The following ZNF292 variants were observed in gnomAD, a reference collection of about 807,000 sequenced individuals.
ZNF292 encodes the protein 16 zinc-finger domain protein.
Under a neutral mutation model 217.9 loss-of-function variants are expected in ZNF292, and 26 were observed. The observed-to-expected ratio is 0.12, with a 90% CI of 0.09 to 0.17. The LOEUF (loss-of-function observed/expected upper bound fraction) is 0.17, where lower values mean the gene tolerates loss of function less well. ZNF292 is among the 10% of genes least tolerant of loss of function. The pLI, the probability that ZNF292 is intolerant of heterozygous loss-of-function variation, is 1.00. For missense variants in ZNF292, 2,904 were observed against 3,175.2 expected, an observed-to-expected ratio of 0.91 and a Z score of 2.05; for synonymous variants, 1,257 against 1,124.1, an observed-to-expected ratio of 1.12 and a Z score of -2.37.
Position 87,258,416 on chromosome 6 carries a change from C to T in ZNF292, c.4787C>T (p.Ser1596Leu). The T allele has an allele frequency of 6.2e-7, 1 of 1,613,662 alleles. No homozygotes were observed. Among genetic ancestry groups the T allele is most frequent in the African/African-American group, 1.3e-5 (1 of 75,030 alleles). Residue 1596 changes from serine (S) to leucine (L), a missense_variant, in exon 8 of 8, where the codon TCA becomes TTA. Coordinates refer to ENST00000369577, the MANE Select transcript of ZNF292 (RefSeq NM_015021.3). ...TCATTTCCTAATTCTGGTGGGCCAT[C>T]ACAAAATTTTACCAGTAACAGTTCT... The part of the protein sequence containing the change: ...SSSFPNSGGP[S>L]QNFTSNSSRV...
intron 7 of ZNF292, among the ~76,000 whole-genome samples, chr6:87,249,899 AG>A (rs1414594337): frequency 2.0e-5 from 3 of 151,794 alleles, no homozygotes; most frequent in Admixed American, 6.6e-5. Context: ...TAGTAGAGAC[AG>A]GGTTTTACTA....
intron 1 of ZNF292, among the ~76,000 whole-genome samples, chr6:87,160,684 GTATA>G (rs5878019): frequency 0.63 from 95,167 of 150,308 alleles, 31,664 homozygotes; most frequent in African/African-American, 0.85. Context: ...ATGTGTGTGT[GTATA>G]TATATATATA....
intron 4 of ZNF292, among the ~76,000 whole-genome samples, chr6:87,224,631 C>T (rs994761527): frequency 3.3e-5 from 5 of 152,152 alleles, no homozygotes; most frequent in South Asian, 4.1e-4. Context: ...CAGGGCTTTA[C>T]GTGTCTGTTA....
rs756400623 is a variant in ZNF292 at position 87,260,319 on chromosome 6, T to C, written c.6690T>C (p.Tyr2230=). The C allele has an allele frequency of 2.1e-5, 34 of 1,613,430 alleles. 1 individual carries two copies. Among genetic ancestry groups the C allele is most frequent in the Admixed American group, 1.8e-4 (11 of 59,944 alleles). Residue 2230 remains tyrosine, a synonymous_variant, in exon 8 of 8, where the codon TAT becomes TAC. Coordinates refer to ENST00000369577, the MANE Select transcript of ZNF292 (RefSeq NM_015021.3). ...AGTGTAAATCTTCATTTACTACATATTTGAACTATGTTGTTCATCTAGAGG... is the reference window on the plus strand; with the variant it reads ...AGTGTAAATCTTCATTTACTACATACTTGAACTATGTTGTTCATCTAGAGG... ...QLECKSSFTT[Y]LNYVVHLEAD...
At chr6:87,216,410 TA>T in intron 3 of ZNF292, 33 bp downstream of exon 3, 1 of 1,458,472 alleles carries the variant, frequency 6.9e-7, no homozygotes, top group Non-Finnish European at 9.4e-7. Flanking sequence ...TTAATACAGG[TA>T]TATCTTATGT....
chr6:87,240,137 G>A (rs1562166526), intron 5 of ZNF292, among the ~76,000 whole-genome samples: 1 of 152,184 alleles, frequency 6.6e-6, no homozygotes, highest in Non-Finnish European at 1.5e-5. Context: ...ATCACTCGCG[G>A]TTAGGAGCTG....
At chr6:87,245,873 T>C (rs1774551842) in intron 7 of ZNF292, among the ~76,000 whole-genome samples, 1 of 152,208 alleles carries the variant, frequency 6.6e-6, no homozygotes, top group Non-Finnish European at 1.5e-5. Context: ...TATGTAATAC[T>C]TAAATTATAT....
intron 4 of ZNF292, among the ~76,000 whole-genome samples, chr6:87,228,366 A>G (rs1356743016): frequency 6.6e-6 from 1 of 152,114 alleles, no homozygotes; most frequent in Non-Finnish European, 1.5e-5. Context: ...ATTTTCTCTC[A>G]TTCCTTTTCA....
Position 87,258,886 on chromosome 6 carries a change from C to G in ZNF292, c.5257C>G (p.Gln1753Glu). The G allele has an allele frequency of 1.4e-5, 22 of 1,606,930 alleles. No individual in the cohort carries two copies. Among genetic ancestry groups the G allele is most frequent in the Non-Finnish European group, 1.9e-5 (22 of 1,176,024 alleles). Residue 1753 changes from glutamine to glutamate, a missense_variant, in exon 8 of 8, where the codon CAA becomes GAA. Gln to Glu is a conservative substitution (Grantham distance 29). This residue lies in a region of ZNF292 where 622 missense variants were observed against 573.1 expected (regional missense o/e 1.09). Coordinates refer to ENST00000369577, the MANE Select transcript of ZNF292 (RefSeq NM_015021.3). The part of the protein sequence containing the change: ...DLQISEDNVI[Q>E]NFEKTLEIIK... ...GCAGATTTCTGAAGACAATGTTATA[C>G]AAAACTTTGAAAAGACTCTTGAAAT...
rs1775563773 is a variant in ZNF292, at chr6:87,261,097, A to G, written c.7468A>G (p.Thr2490Ala). The change falls in exon 8 of 8, where the codon ACA becomes GCA. Residue 2490 changes from threonine to alanine, a missense_variant. This residue lies in a region of ZNF292 where 380 missense variants were observed against 355.3 expected (regional missense o/e 1.07). Transcript: ENST00000369577. ...EMDELTELFI[T>A]KLINEDSTSV... ...GGATGAACTAACAGAATTGTTTATT[A>G]CAAAATTAATAAATGAAGATAGCAC... is the stretch of plus-strand genomic sequence containing the variant. 1 of 1,610,906 alleles carries G rather than the reference A, an allele frequency of 6.2e-7. No individual in the cohort carries two copies. Among genetic ancestry groups the G allele is most frequent in the East Asian group, 2.2e-5 (1 of 44,818 alleles).
chr6:87,189,209 A>G (rs1233044952), intron 1 of ZNF292, among the ~76,000 whole-genome samples: 1 of 152,102 alleles, frequency 6.6e-6, no homozygotes, highest in Admixed American at 6.5e-5. Context: ...CAACTCAGAA[A>G]TAAATAAATA....
At chr6:87,164,865 C>T (rs537581902) in intron 1 of ZNF292, among the ~76,000 whole-genome samples, 2 of 149,782 alleles carry the variant, frequency 1.3e-5, no homozygotes, top group East Asian at 2.0e-4. Flanking sequence ...CCAGTTCAAG[C>T]GAGTCTTCTG....
In ZNF292 at chr6:87,194,624, G is replaced by A. The variant is rs140871938; in HGVS notation, c.169-21279G>A. Among the ~76,000 whole-genome samples the A allele has an allele frequency of 9.2e-5, 14 of 152,100 alleles. No homozygotes were observed. In the East Asian group the frequency reaches 2.7e-3, roughly 29 times the overall value. On this transcript the variant is annotated intron_variant, in intron 1 of 7. Transcript: ENST00000369577. The stretch of plus-strand genomic sequence containing the variant: ...ATTTAAAATACAAACTACTGAAATT[G>A]AATCAAGAAAAGTCTGAATGGTTAC...
intron 4 of ZNF292, among the ~76,000 whole-genome samples, chr6:87,219,059 GC>G (rs1772939034): frequency 6.6e-6 from 1 of 152,134 alleles, no homozygotes; most frequent in Non-Finnish European, 1.5e-5. Flanking sequence ...GAAATAGGGT[GC>G]TGAAATGCTT....
intron 1 of ZNF292, among the ~76,000 whole-genome samples, chr6:87,164,248 AG>A (rs1770842828): frequency 6.6e-6 from 1 of 152,194 alleles, no homozygotes; most frequent in South Asian, 2.1e-4. Flanking sequence ...GCTGGTCTAA[AG>A]GCTTCACTTG....
chr6:87,216,138 CACACACACACACACACACAA>C, intron 2 of ZNF292, 81 bp downstream of exon 2: 12 of 778,526 alleles, frequency 1.5e-5, no homozygotes, highest in Middle Eastern at 3.5e-4. Flanking sequence ...CACACACACA[CACACACACACACACACACAA>C]CATTAAATCT....
intron 1 of ZNF292, among the ~76,000 whole-genome samples, chr6:87,192,282 C>T (rs1194043693): frequency 1.3e-5 from 2 of 151,950 alleles, no homozygotes; most frequent in Non-Finnish European, 2.9e-5. Flanking sequence ...AATATCTCAA[C>T]AGTCTTTCTA....
intron 7 of ZNF292, among the ~76,000 whole-genome samples, chr6:87,247,200 G>A (rs190800469): frequency 6.7e-6 from 1 of 149,844 alleles, no homozygotes; most frequent in Admixed American, 6.6e-5. Context: ...TCTTGGGCCA[G>A]CTCTTCTTGT....
rs201381838 is a variant in ZNF292, at chr6:87,258,454, A to G, written c.4825A>G (p.Ile1609Val). 3 of 1,613,672 alleles carry G rather than the reference A, an allele frequency of 1.9e-6. No homozygotes were observed. The highest frequency in any genetic ancestry group is 3.3e-5 in the Admixed American group (2 of 59,910). Residue 1609 changes from isoleucine (I) to valine (V), a missense_variant, in exon 8 of 8, where the codon ATA (isoleucine) becomes GTA (valine). Ile to Val is a conservative substitution (Grantham distance 29, BLOSUM62 3). This residue lies in a region of ZNF292 where 622 missense variants were observed against 573.1 expected (regional missense o/e 1.09). Coordinates refer to ENST00000369577, the MANE Select transcript of ZNF292 (RefSeq NM_015021.3). ...FTSNSSRVSVISGPQNTRSSH... is the reference protein window; with the variant it reads ...FTSNSSRVSVVSGPQNTRSSH... ...CAGTAACAGTTCTCGTGTTTCTGTTATAAGTGGTCCTCAGAACACAAGATC... is the reference window on the plus strand; with the variant it reads ...CAGTAACAGTTCTCGTGTTTCTGTTGTAAGTGGTCCTCAGAACACAAGATC...
Sources: gnomAD v4.1 joint callset for allele counts (sites outside exome capture counted in the v4.1 genomes callset) on GRCh38, gnomAD v4.1.1 for gene constraint, gnomAD v4.1.1 regional missense constraint, MANE v1.5 for transcripts, NCBI Gene and HGNC (gene_info 2026-07-23, HGNC 2026-07-21) for gene names.